The following AGAP1 variants were observed in gnomAD, a reference collection of about 807,000 sequenced individuals.
The protein encoded by AGAP1 is ArfGAP with GTPase domain, ankyrin repeat and PH domain 1.
Under a neutral mutation model 105.3 loss-of-function variants are expected in AGAP1, and 29 were observed. The observed-to-expected ratio is 0.28, with a 90% confidence interval of 0.21 to 0.38. The LOEUF (loss-of-function observed/expected upper bound fraction) is 0.38, where lower values mean the gene tolerates loss of function less well. Among genes scored for constraint, AGAP1 ranks in the 10% least tolerant of loss-of-function variants. The pLI is 1.00. For synonymous variants in AGAP1, 509 were observed against 485.9 expected (o/e 1.05, Z -0.63); for missense variants, 998 against 1,165.1 (o/e 0.86, Z 2.09).
intron 10 of AGAP1, among the ~76,000 whole-genome samples, chr2:235,892,752 G>T (rs2050605162): frequency 6.6e-6 from 1 of 152,112 alleles, no homozygotes. Context: ...TTCACTGTCT[G>T]CTAGGATGGA....
intron 9 of AGAP1, among the ~76,000 whole-genome samples, chr2:235,836,980 T>TG (rs1013416123): frequency 1.3e-4 from 19 of 145,350 alleles, no homozygotes; most frequent in Middle Eastern, 3.5e-3. Context: ...TTTGTTGGGT[T>TG]GGGGGGGTTG....
rs188950958 is a variant in AGAP1 at position 235,741,329 on chromosome 2, G to A, written c.396+281G>A. ...AAACGCACACTCTGCCCTGGTTGGG[G>A]AGCCCAGTTGAAATGACATCTGGAA... On this transcript the variant is annotated intron_variant, in intron 4 of 17. Coordinates refer to ENST00000304032, the MANE Select transcript of AGAP1 (RefSeq NM_001037131.3). The surrounding 1 kb of genome is among the most constrained non-coding windows in gnomAD (Gnocchi z 4.9). Among the ~76,000 whole-genome samples the A allele has an allele frequency of 6.6e-6, 1 of 152,196 alleles. No homozygotes were observed. Among genetic ancestry groups the A allele is most frequent in the African/African-American group, 2.4e-5 (1 of 41,436 alleles).
At chr2:236,116,354 G>GTTTTTTTTTTTTTTT (rs1382491873) in intron 16 of AGAP1, among the ~76,000 whole-genome samples, 8 of 90,620 alleles carry the variant, frequency 8.8e-5, no homozygotes, top group South Asian at 4.2e-4. Context: ...GGTTAATTAA[G>GTTTTTTTTTTTTTTT]TTCTTTTTTT....
intron 13 of AGAP1, among the ~76,000 whole-genome samples, chr2:236,029,893 C>A (rs775904918): frequency 6.6e-6 from 1 of 152,038 alleles, no homozygotes; most frequent in Admixed American, 6.6e-5. Flanking sequence ...TGCAAGCCAC[C>A]ATGCCTGGCT....
chr2:236,031,151 T>C (rs1373887086), intron 13 of AGAP1, among the ~76,000 whole-genome samples: 1 of 152,148 alleles, frequency 6.6e-6, no homozygotes, highest in Non-Finnish European at 1.5e-5. Context: ...TGGAGATATA[T>C]GTATGAGAAC....
chr2:235,918,429 G>C (rs1448753279), intron 11 of AGAP1, among the ~76,000 whole-genome samples: 2 of 152,232 alleles, frequency 1.3e-5, no homozygotes, highest in African/African-American at 4.8e-5. Context: ...ACATCAGAAA[G>C]TTAGCTAAAT....
intron 6 of AGAP1, chr2:235,783,211 T>C (rs1161034299): frequency 2.7e-6 from 1 of 364,742 alleles, no homozygotes; most frequent in Non-Finnish European, 5.5e-6. Context: ...AAAGATACTT[T>C]CCTAAGGTAG....
At position 236,101,045 on chromosome 2, in the gene AGAP1, C is replaced by G. The variant is rs891376438; in HGVS notation, c.2115-19147C>G. Among the ~76,000 whole-genome samples the G allele has an allele frequency of 3.9e-5, 6 of 152,124 alleles. No homozygotes were observed. The highest frequency in any genetic ancestry group is 1.2e-4 in the African/African-American group (5 of 41,430). On this transcript the variant is annotated intron_variant, in intron 16 of 17. Coordinates refer to ENST00000304032, the MANE Select transcript of AGAP1 (RefSeq NM_001037131.3). The surrounding 1 kb of genome is among the most constrained non-coding windows in gnomAD (Gnocchi z 4.9). ...AGGCTGACACAGGGGTCCGCAGACCCAGGCCCCTCATTCCATCAGTTTCTT... is the reference window on the plus strand; with the variant it reads ...AGGCTGACACAGGGGTCCGCAGACCGAGGCCCCTCATTCCATCAGTTTCTT...
chr2:235,910,286 G>GGGCAGTCACTGAGCTGGTT (rs2051537777), intron 11 of AGAP1, among the ~76,000 whole-genome samples: 7 of 7,690 alleles, frequency 9.1e-4, no homozygotes, highest in South Asian at 9.1e-3. Flanking sequence ...TGCCTGTGTT[G>GGGCAGTCACTGAGCTGGTT]CAGGGGGGCG....
In AGAP1 at chr2:235,843,044, G is replaced by A. The variant is rs552299692; in HGVS notation, c.1050+35713G>A. On this transcript the variant is annotated intron_variant, in intron 9 of 17. Transcript: ENST00000304032. The surrounding 1 kb of genome is among the most constrained non-coding windows in gnomAD (Gnocchi z 5.9). ...GCCCGGCCCGTGTGAGATTTGATGTGAAGTTGAGGACACGGGTCTTCATAA... is the reference window on the plus strand; with the variant it reads ...GCCCGGCCCGTGTGAGATTTGATGTAAAGTTGAGGACACGGGTCTTCATAA... Among the ~76,000 whole-genome samples the A allele has an allele frequency of 1.5e-4, 23 of 152,298 alleles. No homozygotes were observed. The highest frequency in any genetic ancestry group is 2.6e-4 in the Non-Finnish European group (18 of 68,026).
chr2:236,086,669 T>C (rs2058935431), intron 16 of AGAP1, among the ~76,000 whole-genome samples: 1 of 152,232 alleles, frequency 6.6e-6, no homozygotes, highest in Non-Finnish European at 1.5e-5. Flanking sequence ...GATAAAATTT[T>C]AGCTGGGCGT....
intron 9 of AGAP1, among the ~76,000 whole-genome samples, chr2:235,857,852 C>G (rs1384319124): frequency 6.6e-6 from 1 of 152,226 alleles, no homozygotes. Context: ...GCTGGAAGAA[C>G]CAGAGCCTGC....
chr2:235,564,352 T>G (rs1028687013), intron 1 of AGAP1, among the ~76,000 whole-genome samples: 100 of 152,298 alleles, frequency 6.6e-4, no homozygotes, highest in African/African-American at 2.4e-3. Context: ...AATTGATTCC[T>G]TCTGCCGTAC....
rs1194514899 is a variant in AGAP1, at chr2:235,845,533, A to G, written c.1051-37812A>G. Among the ~76,000 whole-genome samples the G allele has an allele frequency of 6.6e-6, 1 of 152,026 alleles. No individual in the cohort carries two copies. The highest frequency in any genetic ancestry group is 2.4e-5 in the African/African-American group (1 of 41,406). On this transcript the variant is annotated intron_variant, in intron 9 of 17. Transcript: ENST00000304032. This position sits in a 1 kb window ranked among gnomAD's most constrained non-coding sequence, Gnocchi z 4.8. ...GCTGTGGGGTCACCACTATCCACCGACAGCCCAGCCGGTCGACAGCAGACC... is the reference window on the plus strand; with the variant it reads ...GCTGTGGGGTCACCACTATCCACCGGCAGCCCAGCCGGTCGACAGCAGACC...
At chr2:235,885,985 T>TC (rs894231287) in intron 10 of AGAP1, among the ~76,000 whole-genome samples, 1 of 152,190 alleles carries the variant, frequency 6.6e-6, no homozygotes, top group African/African-American at 2.4e-5. Flanking sequence ...TAATACCCAT[T>TC]CCATGACGCC....
rs980031292 is a variant in AGAP1, at chr2:235,724,594, G to T, written c.310+6950G>T. Reference sequence around the variant, plus strand: ...AGGTACCTGCGGTGGTGGGGGGAGGGGGAGTTCCCTATGTAAAGAAGAGTC... The same window carrying T: ...AGGTACCTGCGGTGGTGGGGGGAGGTGGAGTTCCCTATGTAAAGAAGAGTC... On this transcript the variant is annotated intron_variant, in intron 3 of 17. Transcript: ENST00000304032. This position sits in a 1 kb window ranked among gnomAD's most constrained non-coding sequence, Gnocchi z 4.9. Among the ~76,000 whole-genome samples, 3 of 152,088 alleles carry T rather than the reference G, an allele frequency of 2.0e-5. No homozygotes were observed. The highest frequency in any genetic ancestry group is 2.9e-5 in the Non-Finnish European group (2 of 68,032).
Position 235,555,483 on chromosome 2 carries a change from G to T in AGAP1, c.163+60634G>T, listed in dbSNP as rs1943944627. On this transcript the variant is annotated intron_variant, in intron 1 of 17. Transcript: ENST00000304032. The surrounding 1 kb of genome is among the most constrained non-coding windows in gnomAD (Gnocchi z 5.1). ...CACTCTCCAGGCACATCCAGGGCTG[G>T]ACTGGGGCCGGCATGGGGGTCACTG... 6.6e-6 allele frequency among the ~76,000 whole-genome samples: 1 copy of T among 152,206 alleles called. No homozygotes were observed. Among genetic ancestry groups the T allele is most frequent in the African/African-American group, 2.4e-5 (1 of 41,458 alleles).
rs1951851237 is a variant in AGAP1 at position 235,729,937 on chromosome 2, A to T, written c.311-11026A>T. Among the ~76,000 whole-genome samples the T allele has an allele frequency of 6.6e-6, 1 of 152,092 alleles. No individual in the cohort carries two copies. Among genetic ancestry groups the T allele is most frequent in the African/African-American group, 2.4e-5 (1 of 41,380 alleles). On this transcript the variant is annotated intron_variant, in intron 3 of 17. Coordinates refer to ENST00000304032, the MANE Select transcript of AGAP1 (RefSeq NM_001037131.3). This position sits in a 1 kb window ranked among gnomAD's most constrained non-coding sequence, Gnocchi z 5.0. Reference sequence around the variant, plus strand: ...AAATGTTTACTTTCTGGCCTTTTACACAGGCAGTTCGCCAGCCCCCTACCC... The same window carrying T: ...AAATGTTTACTTTCTGGCCTTTTACTCAGGCAGTTCGCCAGCCCCCTACCC...
chr2:236,052,396 C>T (rs180942089), intron 16 of AGAP1, among the ~76,000 whole-genome samples: 20 of 152,270 alleles, frequency 1.3e-4, no homozygotes, highest in Admixed American at 3.9e-4. Context: ...AAGAGACCGC[C>T]GCACACTGGA....
Sources: gnomAD v4.1 joint callset for allele counts (sites outside exome capture counted in the v4.1 genomes callset) on GRCh38, gnomAD v4.1.1 for gene constraint, Gnocchi (gnomAD v3.1) non-coding constraint, MANE v1.5 for transcripts, NCBI Gene and HGNC (gene_info 2026-07-23, HGNC 2026-07-21) for gene names.